TRPM6: variants seen among roughly 807,000 people sequenced by gnomAD.
TRPM6 encodes the protein channel kinase 2.
A neutral mutation model predicts 247.6 loss-of-function variants in TRPM6; 111 were observed. The ratio of observed to expected loss-of-function variants is 0.45; its 90% CI spans 0.38 to 0.52. The LOEUF is 0.52. Ranked by LOEUF, TRPM6 falls within the 20% of genes least tolerant of loss-of-function variation. The pLI, the probability that TRPM6 is intolerant of heterozygous loss-of-function variation, is 0.00. For missense variants in TRPM6, 2,126 were observed against 2,421.5 expected, an observed-to-expected ratio of 0.88 and a Z score of 2.56; for synonymous variants, 892 against 853.8, an observed-to-expected ratio of 1.04 and a Z score of -0.78.
intron 17 of TRPM6, chr9:74,799,949 G>A (rs1828252986): frequency 2.4e-6 from 1 of 415,216 alleles, no homozygotes; most frequent in South Asian, 2.3e-5. Flanking sequence ...CGCCAGGGTT[G>A]ATTCAGCTGA....
chr9:74,857,698 A>G (rs1830568979), intron 2 of TRPM6: 1 of 152,222 alleles, frequency 6.6e-6, no homozygotes. Context: ...TAGCACACAT[A>G]TTAAAATTGG....
intron 13 of TRPM6, 128 bp downstream of exon 13, chr9:74,810,687 G>T (rs540984422): frequency 2.5e-6 from 2 of 809,680 alleles, no homozygotes; most frequent in Non-Finnish European, 4.3e-6. Flanking sequence ...TTCAAATCAA[G>T]GTAAAGAAGA....
intron 9 of TRPM6, 34 bp from the exon 10 acceptor site, chr9:74,816,998 G>A (rs1035813715): frequency 1.9e-6 from 3 of 1,560,580 alleles, no homozygotes; most frequent in Non-Finnish European, 2.7e-6. Flanking sequence ...CCATACATTT[G>A]GGGAACTACC....
intron 6 of TRPM6, among the ~76,000 whole-genome samples, chr9:74,829,238 G>A (rs1425830116): frequency 6.6e-6 from 1 of 152,114 alleles, no homozygotes; most frequent in Non-Finnish European, 1.5e-5. Context: ...GTTGCAGTGA[G>A]CCAAGATCTC....
In TRPM6 at chr9:74,800,964, G is replaced by A. The variant is rs530802640; in HGVS notation, c.2010-482C>T. On this transcript the variant is annotated intron_variant, in intron 16 of 38. Transcript: ENST00000360774. Reference sequence around the variant, plus strand: ...AGAACCCAACTAGCAAGTAAGGAAAGCTGTGGAGTCACTTGTTTTTTTAAG... The same window carrying A: ...AGAACCCAACTAGCAAGTAAGGAAAACTGTGGAGTCACTTGTTTTTTTAAG... 2.7e-5 allele frequency among the ~76,000 whole-genome samples: 4 copies of A among 145,856 alleles called. No homozygotes were observed. In the East Asian group the frequency reaches 8.0e-4, roughly 29 times the overall value.
chr9:74,742,707 CA>C (rs1273526238), intron 32 of TRPM6, 81 bp from the exon 33 acceptor site: 2 of 1,145,860 alleles, frequency 1.7e-6, no homozygotes, highest in African/African-American at 3.1e-5. Flanking sequence ...TCAATATATT[CA>C]TATAATGCTA....
intron 36 of TRPM6, among the ~76,000 whole-genome samples, chr9:74,737,872 C>G (rs1442736844): frequency 2.0e-5 from 3 of 152,190 alleles, no homozygotes; most frequent in Admixed American, 6.5e-5. Flanking sequence ...TTATAAGTCA[C>G]ATGTGAGGTA....
Position 74,800,378 on chromosome 9 carries a change from G to T in TRPM6, c.2114C>A (p.Ser705Ter), listed in dbSNP as rs753358405. ...LTYELRNWSNSTCLKLAVSGG... is the reference protein window; with the variant it reads ...LTYELRNWSN ...CGACACGGCCAGTTTAAGGCAGGTC[G>T]AATTGCTCCAGTTCCTGAGTTCATA... Residue 705 changes from serine to a stop codon, truncating the protein, a stop_gained, in exon 17 of 39, where the codon TCG becomes TAG. Coordinates refer to ENST00000360774, the MANE Select transcript of TRPM6 (RefSeq NM_017662.5). LOFTEE classifies it high-confidence loss of function. 3 of 1,613,962 alleles carry T rather than the reference G, an allele frequency of 1.9e-6. No individual in the cohort carries two copies. The Admixed American group carries it at 5.0e-5, about 27-fold the overall frequency.
Position 74,792,719 on chromosome 9 carries a change from G to A in TRPM6, c.2443C>T (p.His815Tyr). 3 of 1,613,626 alleles carry A rather than the reference G, an allele frequency of 1.9e-6. No individual in the cohort carries two copies. The highest frequency in any genetic ancestry group is 2.5e-6 in the Non-Finnish European group (3 of 1,179,610). ...TGGTGCCCACTTTCCAAACCAAAATGCTGATTTTCATCCAGTTTCTCATCA... is the reference window on the plus strand; with the variant it reads ...TGGTGCCCACTTTCCAAACCAAAATACTGATTTTCATCCAGTTTCTCATCA... ...GHDEKLDENQ[H>Y]FGLESGHQHL... Residue 815 changes from histidine to tyrosine, a missense_variant, in exon 19 of 39, where the codon CAT (histidine) becomes TAT (tyrosine). Coordinates refer to ENST00000360774, the MANE Select transcript of TRPM6 (RefSeq NM_017662.5).
chr9:74,794,190 T>G (rs942393276), intron 18 of TRPM6, among the ~76,000 whole-genome samples: 2 of 152,162 alleles, frequency 1.3e-5, no homozygotes, highest in Non-Finnish European at 1.5e-5. Flanking sequence ...TTTAATTTTT[T>G]AAAGTAATAT....
intron 27 of TRPM6, among the ~76,000 whole-genome samples, chr9:74,758,847 T>C (rs1047426232): frequency 1.3e-5 from 2 of 152,176 alleles, no homozygotes; most frequent in Admixed American, 6.5e-5. Flanking sequence ...AAACTATCTA[T>C]GTTTGTAGAT....
intron 27 of TRPM6, among the ~76,000 whole-genome samples, chr9:74,759,433 A>G (rs970888247): frequency 6.6e-6 from 1 of 152,202 alleles, no homozygotes; most frequent in African/African-American, 2.4e-5. Context: ...TATATGGTCA[A>G]TTAATTTTTG....
intron 4 of TRPM6, among the ~76,000 whole-genome samples, chr9:74,840,601 G>T (rs1168365776): frequency 6.6e-6 from 1 of 152,130 alleles, no homozygotes; most frequent in East Asian, 1.9e-4. Flanking sequence ...GAACACCTGA[G>T]GTCAGGAGTT....
At chr9:74,801,840 T>C in intron 16 of TRPM6, 58 bp downstream of exon 16, 1 of 1,593,566 alleles carries the variant, frequency 6.3e-7, no homozygotes, top group Non-Finnish European at 8.6e-7. Flanking sequence ...GAGATAAAAG[T>C]GTCTAACCAT....
chr9:74,862,540 TG>T (rs1218596530), intron 1 of TRPM6, among the ~76,000 whole-genome samples: 1 of 152,224 alleles, frequency 6.6e-6, no homozygotes, highest in Admixed American at 6.5e-5. Context: ...GAGGTCAGGC[TG>T]GGGAATTGCA....
At chr9:74,769,784 G>T (rs2118874272) in intron 25 of TRPM6, among the ~76,000 whole-genome samples, 2 of 143,446 alleles carry the variant, frequency 1.4e-5, no homozygotes, top group South Asian at 4.6e-4. Flanking sequence ...AGGAAGGAAG[G>T]ACGGAAGGAA....
intron 23 of TRPM6, among the ~76,000 whole-genome samples, chr9:74,776,608 A>G (rs192691416): frequency 1.3e-5 from 2 of 152,358 alleles, no homozygotes; most frequent in East Asian, 3.9e-4. Context: ...AATTATTTAC[A>G]TTAACTTTAC....
intron 2 of TRPM6, among the ~76,000 whole-genome samples, chr9:74,856,981 C>T (rs1454642786): frequency 2.0e-5 from 3 of 152,156 alleles, no homozygotes; most frequent in African/African-American, 7.2e-5. Context: ...ATCGTTGATA[C>T]TCTTCTTGAG....
intron 5 of TRPM6, among the ~76,000 whole-genome samples, chr9:74,839,442 AG>A (rs2118182044): frequency 6.6e-6 from 1 of 152,260 alleles, no homozygotes; most frequent in East Asian, 1.9e-4. Context: ...TTAAAAAAAA[AG>A]TATCTACTCA....
Sources: allele counts gnomAD v4.1 joint callset (sites outside exome capture counted in the v4.1 genomes callset), GRCh38; gene constraint gnomAD v4.1.1; transcripts MANE v1.5; gene names NCBI Gene and HGNC (gene_info 2026-07-23, HGNC 2026-07-21).